The following MEI4 variants were observed in gnomAD, a reference collection of about 807,000 sequenced individuals.
MEI4 encodes the protein meiotic double-stranded break formation protein 4.
A neutral mutation model predicts 31.4 loss-of-function variants in MEI4; 27 were observed. The ratio of observed to expected loss-of-function variants is 0.86; its 90% CI spans 0.63 to 1.19. The LOEUF is 1.19. Ranked by LOEUF, MEI4 falls within the 50% of genes most tolerant of loss-of-function variation. The pLI is 0.00. For missense variants in MEI4, 329 were observed against 398.9 expected (o/e 0.82, Z 1.49); for synonymous variants, 122 against 145.4 (o/e 0.84, Z 1.16).
chr6:77,664,077 TG>T (rs1404911574), intron 1 of MEI4, among the ~76,000 whole-genome samples: 1 of 152,182 alleles, frequency 6.6e-6, no homozygotes, highest in Non-Finnish European at 1.5e-5. Flanking sequence ...TTCAGGCGTT[TG>T]GAAGTTCTTG....
intron 2 of MEI4, among the ~76,000 whole-genome samples, chr6:77,715,881 C>A (rs1440829442): frequency 6.6e-6 from 1 of 151,354 alleles, no homozygotes; most frequent in Admixed American, 6.6e-5. Context: ...TGAAAATTGG[C>A]CGGTTACAAT....
intron 3 of MEI4, among the ~76,000 whole-genome samples, chr6:77,796,241 T>C (rs1232190358): frequency 6.6e-6 from 1 of 152,186 alleles, no homozygotes; most frequent in East Asian, 1.9e-4. Flanking sequence ...ATAAAGACCA[T>C]GTATGATAAA....
chr6:77,679,060 TA>T (rs887921649), intron 1 of MEI4, among the ~76,000 whole-genome samples: 33 of 152,090 alleles, frequency 2.2e-4, no homozygotes, highest in African/African-American at 1.2e-4. Context: ...TAAGTGTAAT[TA>T]AAAAAAAGTC....
intron 4 of MEI4, among the ~76,000 whole-genome samples, chr6:77,857,656 T>C (rs1360009586): frequency 6.6e-6 from 1 of 152,214 alleles, no homozygotes; most frequent in Non-Finnish European, 1.5e-5. Flanking sequence ...TTTGACCACA[T>C]TATCCATGCC....
intron 4 of MEI4, among the ~76,000 whole-genome samples, chr6:77,866,032 C>T (rs905593469): frequency 2.0e-5 from 3 of 152,064 alleles, no homozygotes; most frequent in Non-Finnish European, 2.9e-5. Flanking sequence ...TTTAACAACT[C>T]TTCATGCTAA....
In MEI4 at chr6:77,755,301, A is replaced by C. The variant is rs114062476; in HGVS notation, c.233-5829A>C. Among the ~76,000 whole-genome samples the C allele has an allele frequency of 7.0e-4, 106 of 152,364 alleles. 1 individual carries two copies. Among genetic ancestry groups the C allele is most frequent in the African/African-American group, 2.5e-3 (104 of 41,592 alleles). On this transcript the variant is annotated intron_variant, in intron 2 of 4. Coordinates refer to ENST00000684080, the MANE Select transcript of MEI4 (RefSeq NM_001322247.2). ...TAAATTAGTTCAAGGTGGACCTTAT[A>C]AACAGAAAAAAAATGTAAGGGTTAA... is the stretch of plus-strand genomic sequence containing the variant.
intron 2 of MEI4, among the ~76,000 whole-genome samples, chr6:77,701,669 T>C (rs1310797900): frequency 6.6e-6 from 1 of 152,002 alleles, no homozygotes; most frequent in Non-Finnish European, 1.5e-5. Flanking sequence ...AATCATAGGC[T>C]ACAGGATGAG....
chr6:77,914,489 A>G (rs1228945047), intron 4 of MEI4, among the ~76,000 whole-genome samples: 1 of 151,896 alleles, frequency 6.6e-6, no homozygotes, highest in East Asian at 1.9e-4. Context: ...GATTTTTAAG[A>G]CTTTTGTGTT....
chr6:77,889,757 G>A (rs935457303), intron 4 of MEI4, among the ~76,000 whole-genome samples: 1 of 152,174 alleles, frequency 6.6e-6, no homozygotes, highest in Non-Finnish European at 1.5e-5. Flanking sequence ...GGTTTTGTGG[G>A]CCAGGGCCAG....
chr6:77,658,350 G>T (rs192626193), intron 1 of MEI4, among the ~76,000 whole-genome samples: 223 of 152,290 alleles, frequency 1.5e-3, no homozygotes, highest in African/African-American at 5.2e-3. Flanking sequence ...AATGTCATCA[G>T]TTAAGGCTGT....
rs192155401 is a variant in MEI4 at position 77,711,318 on chromosome 6, G to A, written c.232+20415G>A. 1.4e-3 allele frequency among the ~76,000 whole-genome samples: 212 copies of A among 152,160 alleles called. 1 individual carries two copies. The highest frequency in any genetic ancestry group is 4.5e-3 in the African/African-American group (187 of 41,494). On this transcript the variant is annotated intron_variant, in intron 2 of 4. Coordinates refer to ENST00000684080, the MANE Select transcript of MEI4 (RefSeq NM_001322247.2). Reference sequence around the variant, plus strand: ...TTGATTTAATTCTTTCACAAGATATGTATATGTGTATATATGTATATATAT... The same window carrying A: ...TTGATTTAATTCTTTCACAAGATATATATATGTGTATATATGTATATATAT...
intron 3 of MEI4, among the ~76,000 whole-genome samples, chr6:77,763,449 A>G (rs529764688): frequency 1.3e-5 from 2 of 152,186 alleles, no homozygotes; most frequent in Non-Finnish European, 2.9e-5. Flanking sequence ...GGTTTAGTCC[A>G]TGGTGGCAGG....
chr6:77,908,147 GATTA>G (rs1194422654), intron 4 of MEI4, among the ~76,000 whole-genome samples: 1 of 151,990 alleles, frequency 6.6e-6, no homozygotes, highest in East Asian at 1.9e-4. Context: ...AAACTCTTTA[GATTA>G]ATTAGATCCC....
chr6:77,898,852 T>C (rs1766134976), intron 4 of MEI4, among the ~76,000 whole-genome samples: 1 of 152,012 alleles, frequency 6.6e-6, no homozygotes, highest in African/African-American at 2.4e-5. Flanking sequence ...GATAGCAGAA[T>C]GAAACACCTT....
At chr6:77,788,176 G>A (rs867162882) in intron 3 of MEI4, among the ~76,000 whole-genome samples, 26 of 152,292 alleles carry the variant, frequency 1.7e-4, no homozygotes, top group African/African-American at 6.0e-4. Flanking sequence ...AATAGATGCA[G>A]AAAAGGCCTT....
At chr6:77,730,595 A>T (rs1018376614) in intron 2 of MEI4, among the ~76,000 whole-genome samples, 2 of 150,172 alleles carry the variant, frequency 1.3e-5, no homozygotes, top group Admixed American at 1.3e-4. Context: ...TATTTTTTTT[A>T]GTCTTATATA....
intron 2 of MEI4, among the ~76,000 whole-genome samples, chr6:77,747,873 G>A (rs1274463004): frequency 6.6e-6 from 1 of 152,154 alleles, no homozygotes; most frequent in African/African-American, 2.4e-5. Flanking sequence ...AGATACAATG[G>A]GGGTACTGGT....
chr6:77,698,989 A>G, intron 2 of MEI4, among the ~76,000 whole-genome samples: 1 of 151,468 alleles, frequency 6.6e-6, no homozygotes, highest in Non-Finnish European at 1.5e-5. Context: ...TTTTCTCTAA[A>G]CTTCCCTTCT....
chr6:77,893,933 A>G (rs540199962), intron 4 of MEI4, among the ~76,000 whole-genome samples: 1 of 152,258 alleles, frequency 6.6e-6, no homozygotes, highest in African/African-American at 2.4e-5. Context: ...TTTCTCCCAT[A>G]TAACAAACCT....
Sources: allele counts gnomAD v4.1 joint callset (sites outside exome capture counted in the v4.1 genomes callset), GRCh38; gene constraint gnomAD v4.1.1; transcripts MANE v1.5; gene names NCBI Gene and HGNC (gene_info 2026-07-23, HGNC 2026-07-21).